Variants in TENM1 observed in about 807,000 individuals in gnomAD.
TENM1 encodes teneurin transmembrane protein 1.
Under a neutral mutation model 174.8 loss-of-function variants are expected in TENM1, and 35 were observed. The ratio of observed to expected loss-of-function variants is 0.20; its 90% CI spans 0.15 to 0.27. The LOEUF (loss-of-function observed/expected upper bound fraction) is 0.27, where lower values mean the gene tolerates loss of function less well. Among genes scored for constraint, TENM1 ranks in the 10% least tolerant of loss-of-function variants. TENM1 has a pLI of 1.00. For missense variants in TENM1, 1,633 were observed against 2,130.1 expected, an observed-to-expected ratio of 0.77 and a Z score of 4.59; for synonymous variants, 781 against 798.7, an observed-to-expected ratio of 0.98 and a Z score of 0.37.
the TENM1 span, among the ~76,000 whole-genome samples, chrX:125,197,062 A>G: frequency 9.0e-6 from 1 of 111,514 alleles, no homozygotes. Flanking sequence ...GAATCCACCA[A>G]TTATGCAAAA....
intron 3 of TENM1, among the ~76,000 whole-genome samples, chrX:124,788,237 C>T (rs144497239): frequency 7.0e-4 from 78 of 111,139 alleles, no homozygotes; most frequent in African/African-American, 2.4e-3. Flanking sequence ...AGGAAAGACC[C>T]ATCCCCATAA....
intron 5 of TENM1, among the ~76,000 whole-genome samples, chrX:124,698,373 C>T (rs977380161): frequency 1.8e-5 from 2 of 111,193 alleles, no homozygotes; most frequent in African/African-American, 6.5e-5. Context: ...AACATTCTCT[C>T]CTGATACATC....
At chrX:124,465,617 G>A (rs138302426) in intron 22 of TENM1, among the ~76,000 whole-genome samples, 1 of 111,258 alleles carries the variant, frequency 9.0e-6, no homozygotes, top group Non-Finnish European at 1.9e-5. Flanking sequence ...CAGGAATAGA[G>A]GTTAGAATCT....
At chrX:124,666,088 T>C (rs188365330) in intron 6 of TENM1, among the ~76,000 whole-genome samples, 2 of 111,784 alleles carry the variant, frequency 1.8e-5, no homozygotes, top group East Asian at 5.6e-4. Flanking sequence ...TTTGTTTACA[T>C]GGTCATATAT....
chrX:124,912,241 C>T (rs1278024002), intron 1 of TENM1, among the ~76,000 whole-genome samples: 2 of 111,411 alleles, frequency 1.8e-5, no homozygotes, highest in South Asian at 3.8e-4. Context: ...CTTCTTCCAT[C>T]GAACTGAAAT....
rs1176421338 is a variant in TENM1 at position 124,645,349 on chromosome X, C to T, written c.1682-12G>A. On this transcript the variant is annotated splice_polypyrimidine_tract_variant and intron_variant, in intron 9 of 31. Coordinates refer to ENST00000422452, the Ensembl canonical transcript of TENM1. ...CACAGGGCAGGAATCTGAAGGTTGG[C>T]AAATGAACTTGTAATGTTCTCATAA... 1 of 1,195,766 alleles carries T rather than the reference C, an allele frequency of 8.4e-7. No homozygotes were observed. The highest frequency in any genetic ancestry group is 1.1e-6 in the Non-Finnish European group (1 of 885,347).
At chrX:124,647,140 G>A (rs1246189864) in intron 8 of TENM1, among the ~76,000 whole-genome samples, 1 of 111,503 alleles carries the variant, frequency 9.0e-6, no homozygotes, top group Non-Finnish European at 1.9e-5. Context: ...AGGATTACAG[G>A]GCATTTCTCA....
At chrX:124,604,126 G>A (rs2050095504) in intron 11 of TENM1, among the ~76,000 whole-genome samples, 1 of 110,693 alleles carries the variant, frequency 9.0e-6, no homozygotes, top group Non-Finnish European at 1.9e-5. Flanking sequence ...CGGTATAATA[G>A]CAAAATGACA....
exon 25 of TENM1, chrX:124,420,682 G>A (rs1233468334): frequency 1.7e-6 from 2 of 1,210,106 alleles, no homozygotes; most frequent in African/African-American, 3.5e-5. Flanking sequence ...AAATGTTCAT[G>A]TCATTCAGGT....
At chrX:124,504,905 GTGC>G (rs2047412743) in intron 18 of TENM1, among the ~76,000 whole-genome samples, 3 of 112,300 alleles carry the variant, frequency 2.7e-5, no homozygotes, top group African/African-American at 9.7e-5. Context: ...GCATGTGCAT[GTGC>G]ATGTGTATGT....
At chrX:125,111,418 A>G in the TENM1 span, among the ~76,000 whole-genome samples, 3 of 110,929 alleles carry the variant, frequency 2.7e-5, no homozygotes, top group African/African-American at 9.8e-5. Flanking sequence ...TTCTATTAAA[A>G]TAAATAAATA....
chrX:124,649,606 C>T (rs1022346845), intron 8 of TENM1, among the ~76,000 whole-genome samples: 3 of 112,242 alleles, frequency 2.7e-5, no homozygotes, highest in Non-Finnish European at 3.8e-5. Context: ...TATCCTGCTA[C>T]AGAGCAAGTT....
intron 3 of TENM1, among the ~76,000 whole-genome samples, chrX:124,767,029 T>A: frequency 8.9e-6 from 1 of 112,097 alleles, no homozygotes; most frequent in East Asian, 2.8e-4. Context: ...CTTCATTATA[T>A]GTAACATATA....
chrX:124,794,613 C>T (rs2055261208), intron 3 of TENM1, among the ~76,000 whole-genome samples: 1 of 110,857 alleles, frequency 9.0e-6, no homozygotes, highest in East Asian at 2.9e-4. Context: ...CCAATCCCCC[C>T]GCCAACCTAT....
chrX:125,054,560 A>G, the TENM1 span, among the ~76,000 whole-genome samples: 4 of 111,343 alleles, frequency 3.6e-5, no homozygotes, highest in African/African-American at 9.8e-5. Context: ...TAAATAGCCA[A>G]ATAATTTGGC....
At chrX:125,013,561 G>T in the TENM1 span, among the ~76,000 whole-genome samples, 1 of 111,133 alleles carries the variant, frequency 9.0e-6, no homozygotes, top group Admixed American at 9.6e-5. Context: ...ATAGTAAAAT[G>T]GTGTTTTCAT....
intron 3 of TENM1, among the ~76,000 whole-genome samples, chrX:124,762,658 T>C (rs1225761063): frequency 2.7e-5 from 3 of 111,782 alleles, no homozygotes; most frequent in Non-Finnish European, 5.6e-5. Context: ...AGCATTCCAT[T>C]TATATATCAT....
At chrX:124,376,581 C>T (rs2060104930) in exon 32 of TENM1, 1 of 112,001 alleles carries the variant, frequency 8.9e-6, no homozygotes, top group African/African-American at 3.2e-5. Context: ...TAAGTATTTT[C>T]AGTTACTGTT....
intron 22 of TENM1, among the ~76,000 whole-genome samples, chrX:124,461,505 C>G (rs1271459340): frequency 2.7e-5 from 3 of 111,630 alleles, no homozygotes; most frequent in African/African-American, 9.8e-5. Context: ...ACTAAGTACC[C>G]ATCAATAGGT....
Sources: allele counts gnomAD v4.1 joint callset (sites outside exome capture counted in the v4.1 genomes callset), GRCh38; gene constraint gnomAD v4.1.1; transcripts MANE v1.5; gene names NCBI Gene and HGNC (gene_info 2026-07-23, HGNC 2026-07-21).